The following PDE4D variants were observed in gnomAD, a reference collection of about 807,000 sequenced individuals.
PDE4D encodes phosphodiesterase 4D, also known as 3',5'-cyclic-AMP phosphodiesterase 4D.
Under a neutral mutation model 87.4 loss-of-function variants are expected in PDE4D, and 24 were observed. That is an observed-to-expected ratio of 0.27 (90% CI 0.20 to 0.39). The LOEUF is 0.39. PDE4D is among the 10% of genes least tolerant of loss of function. PDE4D has a pLI of 1.00. For synonymous variants in PDE4D, 384 were observed against 383.2 expected (o/e 1.00, Z -0.02); for missense variants, 714 against 1,041.0 (o/e 0.69, Z 4.32).
intron 1 of PDE4D, among the ~76,000 whole-genome samples, chr5:59,239,234 T>C (rs1409317284): frequency 6.6e-6 from 1 of 152,212 alleles, no homozygotes; most frequent in Non-Finnish European, 1.5e-5. Flanking sequence ...ATATCTCAGG[T>C]AGAAAGTGTG....
intron 1 of PDE4D, among the ~76,000 whole-genome samples, chr5:59,268,213 T>C (rs1412853659): frequency 2.0e-5 from 3 of 152,092 alleles, no homozygotes; most frequent in African/African-American, 7.2e-5. Flanking sequence ...AGGATGCTCA[T>C]TAGGGAGCCA....
intron 1 of PDE4D, among the ~76,000 whole-genome samples, chr5:59,562,424 T>C (rs1278620576): frequency 6.6e-6 from 1 of 152,112 alleles, no homozygotes; most frequent in Non-Finnish European, 1.5e-5. Context: ...GCCTGTAAAA[T>C]CAGAATGCCC....
chr5:60,375,457 T>C (rs767578845), intron 1 of PDE4D, among the ~76,000 whole-genome samples: 1 of 152,184 alleles, frequency 6.6e-6, no homozygotes, highest in Non-Finnish European at 1.5e-5. Context: ...GATAAGAAAA[T>C]GGGCATAGAA....
At chr5:59,719,561 G>T (rs911075664) in intron 1 of PDE4D, among the ~76,000 whole-genome samples, 1 of 152,044 alleles carries the variant, frequency 6.6e-6, no homozygotes, top group Non-Finnish European at 1.5e-5. Context: ...TAGTACTCCT[G>T]AGCTGGTACT....
chr5:60,496,423 T>C (rs773106456), intron 1 of PDE4D, among the ~76,000 whole-genome samples: 4 of 152,192 alleles, frequency 2.6e-5, no homozygotes, highest in African/African-American at 4.8e-5. Flanking sequence ...ATGGTCTTTT[T>C]CTGACACATT....
At chr5:60,374,282 T>C (rs1185458080) in intron 1 of PDE4D, among the ~76,000 whole-genome samples, 1 of 151,708 alleles carries the variant, frequency 6.6e-6, no homozygotes, top group Non-Finnish European at 1.5e-5. Flanking sequence ...TTTTGCCATC[T>C]CTCTCCCCCC....
intron 1 of PDE4D, among the ~76,000 whole-genome samples, chr5:59,279,933 A>T (rs1416977162): frequency 6.6e-6 from 1 of 152,110 alleles, no homozygotes; most frequent in East Asian, 1.9e-4. Flanking sequence ...GTACAGTGGC[A>T]ATGAATTAAT....
chr5:59,283,578 A>G (rs1766263405), intron 1 of PDE4D, among the ~76,000 whole-genome samples: 1 of 151,876 alleles, frequency 6.6e-6, no homozygotes, highest in South Asian at 2.1e-4. Context: ...AATTTTTCCC[A>G]CCCTATATTG....
At chr5:58,994,730 T>A (rs1040288889) in intron 6 of PDE4D, among the ~76,000 whole-genome samples, 8 of 152,138 alleles carry the variant, frequency 5.3e-5, no homozygotes, top group African/African-American at 1.9e-4. Context: ...CCAAAGTCAA[T>A]CTTATAGACC....
intron 1 of PDE4D, chr5:59,528,930 T>C (rs1813657594): frequency 2.4e-6 from 1 of 414,280 alleles, no homozygotes; most frequent in South Asian, 1.8e-5. Flanking sequence ...CAGCCAAATA[T>C]GACATATCTC....
intron 1 of PDE4D, among the ~76,000 whole-genome samples, chr5:59,753,305 T>C (rs1308810831): frequency 1.3e-5 from 2 of 151,948 alleles, no homozygotes; most frequent in Non-Finnish European, 2.9e-5. Flanking sequence ...CAGCAAGAGA[T>C]AATAGGTGAA....
chr5:60,293,350 T>C (rs527561810), intron 1 of PDE4D, among the ~76,000 whole-genome samples: 5 of 151,922 alleles, frequency 3.3e-5, no homozygotes, highest in African/African-American at 1.2e-4. Context: ...CCATCTCTAC[T>C]AAAAATACAA....
chr5:60,101,867 T>A (rs913160529), intron 2 of PDE4D, among the ~76,000 whole-genome samples: 1 of 152,182 alleles, frequency 6.6e-6, no homozygotes, highest in Admixed American at 6.5e-5. Flanking sequence ...TATTATTATA[T>A]TTTTAATTTA....
At chr5:59,461,342 T>C (rs1055686160) in intron 1 of PDE4D, among the ~76,000 whole-genome samples, 1 of 152,262 alleles carries the variant, frequency 6.6e-6, no homozygotes, top group Non-Finnish European at 1.5e-5. Flanking sequence ...GTTATATTTC[T>C]GTAGTGTTTG....
intron 5 of PDE4D, among the ~76,000 whole-genome samples, chr5:59,091,806 C>T (rs1219312007): frequency 6.6e-6 from 1 of 151,974 alleles, no homozygotes; most frequent in Non-Finnish European, 1.5e-5. Context: ...TTATATTTCA[C>T]AATTTAAAAA....
At chr5:59,968,739 C>G (rs1047519789) in intron 3 of PDE4D, among the ~76,000 whole-genome samples, 1 of 152,084 alleles carries the variant, frequency 6.6e-6, no homozygotes, top group African/African-American at 2.4e-5. Flanking sequence ...GATCTTGGTT[C>G]TTTCTGATAC....
intron 1 of PDE4D, among the ~76,000 whole-genome samples, chr5:60,336,015 A>T (rs1385834768): frequency 6.6e-6 from 1 of 152,182 alleles, no homozygotes; most frequent in Non-Finnish European, 1.5e-5. Flanking sequence ...GGGGTTGGAG[A>T]CAGCCTCACA....
chr5:59,299,200 C>T (rs1461877709), intron 1 of PDE4D, among the ~76,000 whole-genome samples: 1 of 152,122 alleles, frequency 6.6e-6, no homozygotes, highest in Non-Finnish European at 1.5e-5. Context: ...ACATGCCTGG[C>T]CTGAGCATAA....
intron 2 of PDE4D, among the ~76,000 whole-genome samples, chr5:59,196,841 G>A (rs1463881806): frequency 6.6e-6 from 1 of 152,104 alleles, no homozygotes; most frequent in African/African-American, 2.4e-5. Context: ...CATAATGGGA[G>A]GTATATTACA....
Sources: gnomAD v4.1 joint callset for allele counts (sites outside exome capture counted in the v4.1 genomes callset) on GRCh38, gnomAD v4.1.1 for gene constraint, MANE v1.5 for transcripts, NCBI Gene and HGNC (gene_info 2026-07-23, HGNC 2026-07-21) for gene names.